Variants in OSTN observed in about 807,000 individuals in gnomAD.
OSTN encodes the protein osteocrin.
OSTN carries 9 observed loss-of-function variants against 12.0 expected under a neutral mutation model. The ratio of observed to expected loss-of-function variants is 0.75; its 90% CI spans 0.45 to 1.30. The LOEUF (loss-of-function observed/expected upper bound fraction) is 1.30. Among genes scored for constraint, OSTN ranks in the 50% most tolerant of loss-of-function variants. The pLI, the probability that OSTN is intolerant of heterozygous loss-of-function variation, is 0.00. For missense variants in OSTN, 148 were observed against 152.3 expected (o/e 0.97, Z 0.15); for synonymous variants, 59 against 56.9 (o/e 1.04, Z -0.16).
At chr3:191,231,872 T>C (rs1242576438) in intron 3 of OSTN, among the ~76,000 whole-genome samples, 1 of 152,206 alleles carries the variant, frequency 6.6e-6, no homozygotes, top group Non-Finnish European at 1.5e-5. Flanking sequence ...TCTCAGAGTA[T>C]TGTTTTTAGA....
intron 3 of OSTN, among the ~76,000 whole-genome samples, chr3:191,244,682 G>C (rs1210475982): frequency 6.7e-6 from 1 of 148,856 alleles, no homozygotes; most frequent in African/African-American, 2.5e-5. Context: ...TTTCACTTCT[G>C]ATGGATATAG....
chr3:191,210,420 C>T (rs1714390666), intron 1 of OSTN, among the ~76,000 whole-genome samples: 1 of 152,142 alleles, frequency 6.6e-6, no homozygotes, highest in African/African-American at 2.4e-5. Context: ...CTGGGTCACA[C>T]CAAAACAAAT....
At chr3:191,233,330 C>G (rs981624795) in intron 3 of OSTN, among the ~76,000 whole-genome samples, 28 of 152,336 alleles carry the variant, frequency 1.8e-4, no homozygotes, top group African/African-American at 6.7e-4. Context: ...GTGCAAATTA[C>G]TTCAATTCTC....
intron 3 of OSTN, among the ~76,000 whole-genome samples, chr3:191,240,634 C>T (rs1369025777): frequency 6.6e-6 from 1 of 152,210 alleles, no homozygotes; most frequent in Non-Finnish European, 1.5e-5. Flanking sequence ...CAGGGTCTCT[C>T]TCAAGGTTAC....
chr3:191,203,670 T>TA (rs919975635), intron 1 of OSTN, among the ~76,000 whole-genome samples: 1 of 144,486 alleles, frequency 6.9e-6, no homozygotes, highest in African/African-American at 2.7e-5. Context: ...ACTGCATCCA[T>TA]AAAAATATTA....
chr3:191,202,837 C>CAAATTTAAACAAATTA (rs1205822612), intron 1 of OSTN, among the ~76,000 whole-genome samples: 1 of 152,156 alleles, frequency 6.6e-6, no homozygotes, highest in Non-Finnish European at 1.5e-5. Context: ...TAGAATTAAA[C>CAAATTTAAACAAATTA]AACAAATTTC....
At position 191,264,269 on chromosome 3, in the gene OSTN, A is replaced by G. The variant is rs561608109; in HGVS notation, c.*1416A>G. 1.5e-3 allele frequency: 226 copies of G among 152,264 alleles called. 1 individual carries two copies. The highest frequency in any genetic ancestry group is 5.2e-3 in the African/African-American group (215 of 41,578). The allele number at this position is 152,264 out of a possible 1,614,324, so 9.4% of individuals were successfully genotyped here. A position where few individuals can be genotyped will look rare whatever the true frequency, so the allele number is the denominator to read the frequency against. On this transcript the variant is annotated 3_prime_UTR_variant, in exon 5 of 5. Coordinates refer to ENST00000682035, the MANE Select transcript of OSTN (RefSeq NM_198184.2). Reference sequence around the variant, plus strand: ...ACAAAAATATATTAGAAAAAGAGTTAAACTAAGAAATTGACCTTTATGAAG... The same window carrying G: ...ACAAAAATATATTAGAAAAAGAGTTGAACTAAGAAATTGACCTTTATGAAG...
At chr3:191,232,910 C>T (rs947237682) in intron 3 of OSTN, among the ~76,000 whole-genome samples, 8 of 152,028 alleles carry the variant, frequency 5.3e-5, no homozygotes, top group African/African-American at 1.9e-4. Context: ...CCACTGCGTT[C>T]GGTCATAAAT....
At chr3:191,258,421 G>C (rs1387186063) in intron 4 of OSTN, among the ~76,000 whole-genome samples, 1 of 152,022 alleles carries the variant, frequency 6.6e-6, no homozygotes, top group East Asian at 1.9e-4. Context: ...AAAAAGCAAG[G>C]GTTTCTGAGA....
chr3:191,246,461 C>G (rs1400256289), intron 3 of OSTN, among the ~76,000 whole-genome samples: 1 of 151,812 alleles, frequency 6.6e-6, no homozygotes, highest in African/African-American at 2.4e-5. Flanking sequence ...CAAAAATTAC[C>G]CAGGCATGGT....
chr3:191,207,051 A>C (rs1714294428), intron 1 of OSTN, among the ~76,000 whole-genome samples: 1 of 152,170 alleles, frequency 6.6e-6, no homozygotes, highest in Non-Finnish European at 1.5e-5. Context: ...TGTCAGAACT[A>C]AGGCCCCTTT....
chr3:191,210,397 G>A (rs1357790275), intron 1 of OSTN, among the ~76,000 whole-genome samples: 1 of 152,074 alleles, frequency 6.6e-6, no homozygotes, highest in Admixed American at 6.5e-5. Flanking sequence ...TCAAGAAAAT[G>A]TCAAAAAAAA....
rs547564581 is a variant in OSTN at position 191,235,666 on chromosome 3, C to T, written c.318-14371C>T. On this transcript the variant is annotated intron_variant, in intron 3 of 4. Coordinates refer to ENST00000682035, the MANE Select transcript of OSTN (RefSeq NM_198184.2). ...GCCCCTCATCCTCACCCTACTCTCTCATCTTCTGCATTTGACACCACCATC... is the reference window on the plus strand; with the variant it reads ...GCCCCTCATCCTCACCCTACTCTCTTATCTTCTGCATTTGACACCACCATC... 1.2e-4 allele frequency among the ~76,000 whole-genome samples: 18 copies of T among 152,322 alleles called. No homozygotes were observed. In the South Asian group the frequency reaches 3.7e-3, roughly 32 times the overall value.
Position 191,264,679 on chromosome 3 carries a change from T to C in OSTN, c.*1826T>C, listed in dbSNP as rs565411391. 3.2e-4 allele frequency: 48 copies of C among 152,282 alleles called. No individual in the cohort carries two copies. Among genetic ancestry groups the C allele is most frequent in the African/African-American group, 1.1e-3 (44 of 41,570 alleles). 9.4% of individuals were successfully genotyped at this position (152,282 alleles called of 1,614,324 possible). On this transcript the variant is annotated 3_prime_UTR_variant, in exon 5 of 5. Coordinates refer to ENST00000682035, the MANE Select transcript of OSTN (RefSeq NM_198184.2). ...CTTTCCCCAACCTTGTGATGAACTA[T>C]AGAAATGTTTCCTATTGCTTAGAAG...
At chr3:191,205,921 A>G (rs1714262981) in intron 1 of OSTN, among the ~76,000 whole-genome samples, 1 of 152,232 alleles carries the variant, frequency 6.6e-6, no homozygotes, top group Admixed American at 6.5e-5. Flanking sequence ...ACAGTGGCTC[A>G]TGCCTGCAAT....
chr3:191,199,287 A>T lies in OSTN; in HGVS notation c.-21A>T, dbSNP rs1298519351. 1.3e-5 allele frequency: 2 copies of T among 152,170 alleles called. No individual in the cohort carries two copies. Among genetic ancestry groups the T allele is most frequent in the Non-Finnish European group, 2.9e-5 (2 of 67,984 alleles). The allele number at this position is 152,170 out of a possible 1,614,324, so 9.4% of individuals were successfully genotyped here. ...TGCAGAGACAGTACTCTAAAGTTAG[A>T]ATCTCCTGATCTTTCACGAGGTAAG... On this transcript the variant is annotated 5_prime_UTR_variant, in exon 1 of 5. Coordinates refer to ENST00000682035, the MANE Select transcript of OSTN (RefSeq NM_198184.2).
chr3:191,244,246 A>G lies in OSTN; in HGVS notation c.318-5791A>G, dbSNP rs1228882678. On this transcript the variant is annotated intron_variant, in intron 3 of 4. Coordinates refer to ENST00000682035, the MANE Select transcript of OSTN (RefSeq NM_198184.2). ...TATCCAAGATTATAAATGTTAAAGA[A>G]AATCCTGTTTCACATAGGAAGTTTA... 2.0e-5 allele frequency among the ~76,000 whole-genome samples: 3 copies of G among 152,140 alleles called. No individual in the cohort carries two copies. The South Asian group carries it at 6.2e-4, about 31-fold the overall frequency.
chr3:191,233,023 ACT>A (rs1277220332), intron 3 of OSTN, among the ~76,000 whole-genome samples: 3 of 152,050 alleles, frequency 2.0e-5, no homozygotes, highest in Non-Finnish European at 4.4e-5. Flanking sequence ...AGATTTTAAA[ACT>A]CTGAGTCACC....
chr3:191,216,744 A>G (rs1714622005), intron 2 of OSTN, among the ~76,000 whole-genome samples: 1 of 152,214 alleles, frequency 6.6e-6, no homozygotes, highest in African/African-American at 2.4e-5. Flanking sequence ...TCCAGTTCCC[A>G]ACAATTTCCT....
Sources: gnomAD v4.1 joint callset for allele counts (sites outside exome capture counted in the v4.1 genomes callset) on GRCh38, gnomAD v4.1.1 for gene constraint, MANE v1.5 for transcripts, NCBI Gene and HGNC (gene_info 2026-07-23, HGNC 2026-07-21) for gene names.